The following ZNF197 variants were observed in gnomAD, a reference collection of about 807,000 sequenced individuals.
ZNF197 encodes zinc finger protein 197.
In ZNF197, 14 loss-of-function variants were observed where a neutral mutation model predicts 27.4. The ratio of observed to expected loss-of-function variants is 0.51; its 90% CI spans 0.34 to 0.80. The LOEUF is 0.80. Among genes scored for constraint, ZNF197 ranks in the 30% least tolerant of loss-of-function variants. The pLI is 0.02. For missense variants in ZNF197, 1,090 were observed against 1,222.6 expected (o/e 0.89, Z 1.62); for synonymous variants, 415 against 420.0 (o/e 0.99, Z 0.15).
intron 5 of ZNF197, among the ~76,000 whole-genome samples, chr3:44,636,131 C>CAAAAAATATTT: frequency 6.6e-6 from 1 of 151,990 alleles, no homozygotes; most frequent in Admixed American, 6.5e-5. Flanking sequence ...GGGGAAACCC[C>CAAAAAATATTT]GTCTCTACTA....
At chr3:44,631,955 C>T in intron 3 of ZNF197, 150 bp from the exon 4 acceptor site, 1 of 716,068 alleles carries the variant, frequency 1.4e-6, no homozygotes, top group East Asian at 2.7e-5. Flanking sequence ...CCCACCTCGG[C>T]TTCCCAAAGC....
chr3:44,636,745 T>C (rs1207691331), intron 5 of ZNF197, among the ~76,000 whole-genome samples: 2 of 152,252 alleles, frequency 1.3e-5, no homozygotes, highest in East Asian at 1.9e-4. Flanking sequence ...CTAGGTCTTA[T>C]GATAACTCTG....
chr3:44,645,631 C>G lies in ZNF197; in HGVS notation c.*1411C>G, dbSNP rs978408342. 6 of 985,398 alleles carry G rather than the reference C, an allele frequency of 6.1e-6. No individual in the cohort carries two copies. The highest frequency in any genetic ancestry group is 7.2e-6 in the Non-Finnish European group (6 of 829,928). The allele number at this position is 985,398 out of a possible 1,614,324, so 61.0% of individuals were successfully genotyped here. A position where few individuals can be genotyped will look rare whatever the true frequency, so the allele number is the denominator to read the frequency against. On this transcript the variant is annotated 3_prime_UTR_variant, in exon 6 of 6. Transcript: ENST00000344387. ...TTTCCCTATTCAGAGGGAAAAAAAT[C>G]CTTGACCCGCAGTTGAGCTGATGAT... is the stretch of plus-strand genomic sequence containing the variant.
chr3:44,641,564 C>G (rs1359972622), intron 5 of ZNF197, among the ~76,000 whole-genome samples: 1 of 152,360 alleles, frequency 6.6e-6, no homozygotes, highest in African/African-American at 2.4e-5. Context: ...TCTTGCTCTT[C>G]TATCCAAGTT....
chr3:44,631,125 C>A lies in ZNF197; in HGVS notation c.454C>A (p.Leu152Ile). The A allele has an allele frequency of 1.2e-6, 2 of 1,614,130 alleles. No homozygotes were observed. The highest frequency in any genetic ancestry group is 1.7e-6 in the Non-Finnish European group (2 of 1,180,028). ...QKVVSAPGTT[L>I]PPVLPGSHIA... ...GGTGGTGAGTGCCCCAGGAACAACACTTCCTCCTGTACTTCCTGGCAGCCA... is the reference window on the plus strand; with the variant it reads ...GGTGGTGAGTGCCCCAGGAACAACAATTCCTCCTGTACTTCCTGGCAGCCA... Residue 152 changes from leucine to isoleucine, a missense_variant, in exon 3 of 6, where the codon CTT (leucine) becomes ATT (isoleucine). By Grantham distance (5) the Leu-to-Ile change is conservative. Coordinates refer to ENST00000344387, the MANE Select transcript of ZNF197 (RefSeq NM_006991.5).
chr3:44,643,209 C>T lies in ZNF197; in HGVS notation c.2079C>T (p.Leu693=), dbSNP rs201726445. ...AGGTCTTCGGTTCAAACAGAAACCT[C>T]ATTGACCATGAGAGACTCCACAATG... ...CGKVFGSNRN[L]IDHERLHNGE... Residue 693 remains leucine (L), a synonymous_variant, in exon 6 of 6, where the codon CTC becomes CTT. Transcript: ENST00000344387. 163 of 1,613,434 alleles carry T rather than the reference C, an allele frequency of 1.0e-4. No individual in the cohort carries two copies. Among genetic ancestry groups the T allele is most frequent in the South Asian group, 9.5e-4 (86 of 90,996 alleles).
In ZNF197 at chr3:44,646,506, G is replaced by A; in HGVS notation, c.*2286G>A. 1.3e-6 allele frequency: 2 copies of A among 1,557,320 alleles called. No individual in the cohort carries two copies. Among genetic ancestry groups the A allele is most frequent in the Middle Eastern group, 3.4e-4 (2 of 5,948 alleles). ...TCATTGCCAGGTTACAGGAAATACA[G>A]GAGGCAGAGGAACAAATAAAAGACA... On this transcript the variant is annotated 3_prime_UTR_variant, in exon 6 of 6. Transcript: ENST00000344387.
chr3:44,642,492 T>C lies in ZNF197; in HGVS notation c.1362T>C (p.Tyr454=), dbSNP rs780604348. The C allele has an allele frequency of 5.6e-6, 9 of 1,614,088 alleles. No individual in the cohort carries two copies. The South Asian group carries it at 8.8e-5, about 16-fold the overall frequency. ...GGATCCACACTGGGGAGAAACCTTA[T>C]AAGTGTAAGGAGTGTGGAAAGGGCT... ...HQRIHTGEKP[Y]KCKECGKGFY... is the part of the protein sequence containing the mutation. Residue 454 remains tyrosine, a synonymous_variant, in exon 6 of 6, where the codon TAT becomes TAC. Coordinates refer to ENST00000344387, the MANE Select transcript of ZNF197 (RefSeq NM_006991.5).
At chr3:44,626,312 A>G (rs1701658133) in intron 1 of ZNF197, among the ~76,000 whole-genome samples, 1 of 151,854 alleles carries the variant, frequency 6.6e-6, no homozygotes, top group Admixed American at 6.6e-5. Flanking sequence ...ATTTCTCACT[A>G]ATAGAGTCCT....
At chr3:44,629,996 C>A (rs1701893262) in intron 2 of ZNF197, among the ~76,000 whole-genome samples, 1 of 152,180 alleles carries the variant, frequency 6.6e-6, no homozygotes, top group African/African-American at 2.4e-5. Context: ...GTGGGAGGAT[C>A]ATTTGAGGCC....
rs773430199 is a variant in ZNF197 at position 44,642,122 on chromosome 3, A to G, written c.992A>G (p.Lys331Arg). The G allele has an allele frequency of 2.5e-6, 4 of 1,614,088 alleles. No homozygotes were observed. Among genetic ancestry groups the G allele is most frequent in the East Asian group, 2.2e-5 (1 of 44,880 alleles). Residue 331 changes from lysine to arginine, a missense_variant, in exon 6 of 6, where the codon AAG (lysine) becomes AGG (arginine). Transcript: ENST00000344387. ...AAAGTTTCCCTTTGTGAACGAGACA[A>G]GAAGAAAAGGACTCCACCAGAGAAA... ...VKKVSLCERD[K>R]KKRTPPEKQG...
In ZNF197 at chr3:44,640,673, C is replaced by T. The variant is rs1324345933; in HGVS notation, c.770-1227C>T. On this transcript the variant is annotated intron_variant, in intron 5 of 5. Transcript: ENST00000344387. This position sits in a 1 kb window ranked among gnomAD's most constrained non-coding sequence, Gnocchi z 4.0. ...AATTACAGGCATGAGCCACCATGCC[C>T]GGCCTCTCCTTATGTTTGAAACCTC... Among the ~76,000 whole-genome samples, 4 of 152,164 alleles carry T rather than the reference C, an allele frequency of 2.6e-5. No individual in the cohort carries two copies. Among genetic ancestry groups the T allele is most frequent in the Non-Finnish European group, 4.4e-5 (3 of 68,032 alleles).
chr3:44,645,433 T>C lies in ZNF197; in HGVS notation c.*1213T>C. Reference sequence around the variant, plus strand: ...TAAGAATAATTTTGTTAAATTTACCTTTAAAAATATCTGAGGGAGTTACTA... The same window carrying C: ...TAAGAATAATTTTGTTAAATTTACCCTTAAAAATATCTGAGGGAGTTACTA... On this transcript the variant is annotated 3_prime_UTR_variant, in exon 6 of 6. Transcript: ENST00000344387. The C allele has an allele frequency of 1.0e-6, 1 of 985,214 alleles. No individual in the cohort carries two copies. The highest frequency in any genetic ancestry group is 1.2e-6 in the Non-Finnish European group (1 of 829,750). The allele number at this position is 985,214 out of a possible 1,614,324, so 61.0% of individuals were successfully genotyped here. A position where few individuals can be genotyped will look rare whatever the true frequency, so the allele number is the denominator to read the frequency against.
At position 44,632,476 on chromosome 3, in the gene ZNF197, T is replaced by C; in HGVS notation, c.646T>C (p.Leu216=). The C allele has an allele frequency of 1.3e-6, 2 of 1,586,424 alleles. No individual in the cohort carries two copies. Among genetic ancestry groups the C allele is most frequent in the Non-Finnish European group, 8.5e-7 (1 of 1,169,944 alleles). Residue 216 remains leucine (L), a synonymous_variant, in exon 5 of 6, where the codon TTG becomes CTG. Transcript: ENST00000344387. ...LMLLTAQPQE[L]VMFEEVSVCF... is the part of the protein sequence containing the mutation. ...TCACACACACTTGTTATTTCAGGAGTTGGTGATGTTCGAGGAGGTGTCAGT... is the reference window on the plus strand; with the variant it reads ...TCACACACACTTGTTATTTCAGGAGCTGGTGATGTTCGAGGAGGTGTCAGT...
At position 44,629,432 on chromosome 3, in the gene ZNF197, TC is replaced by T; in HGVS notation, c.280del (p.Leu94CysfsTer24). 1 of 1,614,148 alleles carries T rather than the reference TC, an allele frequency of 6.2e-7. No homozygotes were observed. Among genetic ancestry groups the T allele is most frequent in the Non-Finnish European group, 8.5e-7 (1 of 1,180,010 alleles). On this transcript the variant is annotated frameshift_variant, in exon 2 of 6. Transcript: ENST00000344387. LOFTEE classifies it high-confidence loss of function. Reference protein sequence around the residue: ...ELLVLEQFLSILPGEIRTWVQ... With the variant: ...ELLVLEQFLSXLPGEIRTWVQ... ...CTGGTGCTGGAGCAGTTTCTGAGCATCCTGCCTGGGGAGATTCGGACCTGGG... is the reference window on the plus strand; with the variant it reads ...CTGGTGCTGGAGCAGTTTCTGAGCATCTGCCTGGGGAGATTCGGACCTGGG...
rs1195977128 is a variant in ZNF197 at position 44,645,469 on chromosome 3, C to G, written c.*1249C>G. 15 of 985,096 alleles carry G rather than the reference C, an allele frequency of 1.5e-5. No individual in the cohort carries two copies. Among genetic ancestry groups the G allele is most frequent in the Non-Finnish European group, 1.8e-5 (15 of 829,818 alleles). 61.0% of individuals were successfully genotyped at this position (985,096 alleles called of 1,614,324 possible). ...CTGAGGGAGTTACTAGATTATATAT[C>G]TAGTTTATGTATATGGAAAAAAATG... On this transcript the variant is annotated 3_prime_UTR_variant, in exon 6 of 6. Coordinates refer to ENST00000344387, the MANE Select transcript of ZNF197 (RefSeq NM_006991.5).
Position 44,631,659 on chromosome 3 carries a change from C to T in ZNF197, c.550+438C>T, listed in dbSNP as rs535610288. ...CTTGTGATCTGCCCGCCTTGGCCTCCCAAAGTGCTGGGATTACAGGTGTGA... is the reference window on the plus strand; with the variant it reads ...CTTGTGATCTGCCCGCCTTGGCCTCTCAAAGTGCTGGGATTACAGGTGTGA... On this transcript the variant is annotated intron_variant, in intron 3 of 5. Coordinates refer to ENST00000344387, the MANE Select transcript of ZNF197 (RefSeq NM_006991.5). 2.0e-4 allele frequency among the ~76,000 whole-genome samples: 31 copies of T among 151,682 alleles called. No individual in the cohort carries two copies. In the South Asian group the frequency reaches 6.5e-3, roughly 32 times the overall value.
chr3:44,628,344 CTA>C (rs1398760989), intron 1 of ZNF197, among the ~76,000 whole-genome samples: 2 of 152,084 alleles, frequency 1.3e-5, no homozygotes, highest in Non-Finnish European at 2.9e-5. Flanking sequence ...TAATAAAACT[CTA>C]TTCATATTTA....
chr3:44,639,862 G>A (rs939868859), intron 5 of ZNF197, among the ~76,000 whole-genome samples: 8 of 152,004 alleles, frequency 5.3e-5, no homozygotes, highest in Admixed American at 3.3e-4. Flanking sequence ...AGATACTGAT[G>A]ATAGTTGATA....
Sources: gnomAD v4.1 joint callset for allele counts (sites outside exome capture counted in the v4.1 genomes callset) on GRCh38, gnomAD v4.1.1 for gene constraint, Gnocchi (gnomAD v3.1) non-coding constraint, MANE v1.5 for transcripts, NCBI Gene and HGNC (gene_info 2026-07-23, HGNC 2026-07-21) for gene names.